Variants in ABL1 observed in about 807,000 individuals in gnomAD.
ABL1 encodes ABL proto-oncogene 1, non-receptor tyrosine kinase, also known as tyrosine-protein kinase ABL1.
In ABL1, 11 loss-of-function variants were observed where a neutral mutation model predicts 94.7. That is an observed-to-expected ratio of 0.12 (90% CI 0.07 to 0.19). ABL1 has a LOEUF of 0.19. Among genes scored for constraint, ABL1 ranks in the 10% least tolerant of loss-of-function variants. ABL1 has a pLI of 1.00. For missense variants in ABL1, 1,082 were observed against 1,489.4 expected (o/e 0.73, Z 4.50); for synonymous variants, 656 against 622.4 (o/e 1.05, Z -0.80).
At chr9:130,749,894 C>T (rs1831933794) in intron 1 of ABL1, among the ~76,000 whole-genome samples, 1 of 152,030 alleles carries the variant, frequency 6.6e-6, no homozygotes, top group Admixed American at 6.6e-5. Context: ...ATTGCCAAGG[C>T]CGGGCACAGT....
At chr9:130,760,563 T>C (rs1034352034) in intron 1 of ABL1, among the ~76,000 whole-genome samples, 2 of 152,216 alleles carry the variant, frequency 1.3e-5, no homozygotes, top group African/African-American at 4.8e-5. Flanking sequence ...ACTTTTCTGC[T>C]TAAATGTTAG....
intron 1 of ABL1, among the ~76,000 whole-genome samples, chr9:130,798,663 G>T (rs1236302366): frequency 6.6e-6 from 1 of 152,038 alleles, no homozygotes; most frequent in Non-Finnish European, 1.5e-5. Flanking sequence ...AGTAACAACG[G>T]ATTCTTTAGG....
At chr9:130,775,621 GAA>G (rs988980347) in intron 1 of ABL1, among the ~76,000 whole-genome samples, 8 of 151,792 alleles carry the variant, frequency 5.3e-5, no homozygotes, top group African/African-American at 1.9e-4. Context: ...TAAGGAGAGA[GAA>G]AAGAAGTCAA....
intron 1 of ABL1, among the ~76,000 whole-genome samples, chr9:130,716,604 C>T (rs1831444478): frequency 6.6e-6 from 1 of 152,090 alleles, no homozygotes; most frequent in Admixed American, 6.6e-5. Flanking sequence ...TTTTCATGGA[C>T]TGCCATTTTT....
intron 1 of ABL1, among the ~76,000 whole-genome samples, chr9:130,785,192 C>T (rs570847805): frequency 2.0e-5 from 3 of 152,272 alleles, no homozygotes; most frequent in South Asian, 2.1e-4. Flanking sequence ...GGGAGGAGGG[C>T]GTCCTTTCCC....
chr9:130,750,656 T>TC (rs1831952776), intron 1 of ABL1, among the ~76,000 whole-genome samples: 1 of 131,584 alleles, frequency 7.6e-6, no homozygotes, highest in Non-Finnish European at 1.6e-5. Context: ...TTTTTTTTTT[T>TC]TTTTTTTTGA....
chr9:130,718,317 C>CAAAAAA (rs35188504), intron 1 of ABL1, among the ~76,000 whole-genome samples: 2 of 73,040 alleles, frequency 2.7e-5, no homozygotes, highest in Non-Finnish European at 6.2e-5. Context: ...GACTCTGTCT[C>CAAAAAA]AAAAAAAAAA....
chr9:130,727,234 G>GTT (rs34579847), intron 1 of ABL1, among the ~76,000 whole-genome samples: 41 of 141,818 alleles, frequency 2.9e-4, no homozygotes, highest in Middle Eastern at 3.7e-3. Context: ...CTTTGCTGAG[G>GTT]TTTTTTTTTT....
At chr9:130,857,181 C>T (rs1007201333) in intron 3 of ABL1, among the ~76,000 whole-genome samples, 2 of 152,192 alleles carry the variant, frequency 1.3e-5, no homozygotes, top group African/African-American at 4.8e-5. Flanking sequence ...ATGCGTTGCA[C>T]GTGCTTCTTT....
intron 1 of ABL1, among the ~76,000 whole-genome samples, chr9:130,754,279 C>T (rs971935857): frequency 2.7e-5 from 4 of 149,668 alleles, no homozygotes; most frequent in South Asian, 2.1e-4. Flanking sequence ...GAGGCCGAGG[C>T]GGGTGGATTA....
chr9:130,829,253 A>G (rs935602124), intron 1 of ABL1, among the ~76,000 whole-genome samples: 2 of 152,148 alleles, frequency 1.3e-5, no homozygotes, highest in African/African-American at 4.8e-5. Context: ...AGCAAAATGA[A>G]GAAGTCAGTC....
intron 1 of ABL1, among the ~76,000 whole-genome samples, chr9:130,753,422 CTTTT>C (rs71389347): frequency 1.1e-5 from 1 of 90,338 alleles, no homozygotes; most frequent in African/African-American, 5.1e-5. Flanking sequence ...TTTTTCTTTT[CTTTT>C]TTTTTTTTTT....
intron 1 of ABL1, among the ~76,000 whole-genome samples, chr9:130,796,255 G>A (rs992834383): frequency 2.1e-4 from 32 of 152,188 alleles, no homozygotes; most frequent in African/African-American, 6.8e-4. Context: ...GGCCACCATA[G>A]CTCATGCCTA....
chr9:130,807,358 C>T (rs142694211), intron 1 of ABL1, among the ~76,000 whole-genome samples: 116 of 152,032 alleles, frequency 7.6e-4, no homozygotes, highest in Non-Finnish European at 1.3e-3. Flanking sequence ...AAGAGATTCT[C>T]ATGCCTCAGC....
At chr9:130,748,848 A>G (rs1401460878) in intron 1 of ABL1, among the ~76,000 whole-genome samples, 1 of 152,174 alleles carries the variant, frequency 6.6e-6, no homozygotes, top group Admixed American at 6.5e-5. Context: ...AAGTCTTGGG[A>G]TTGCAGGCGT....
intron 7 of ABL1, 36 bp downstream of exon 7, chr9:130,875,088 G>A (rs1215202314): frequency 6.3e-7 from 1 of 1,578,242 alleles, no homozygotes; most frequent in Admixed American, 1.9e-5. Context: ...GGTCCTTCCT[G>A]ACTACAGGAG....
At chr9:130,790,867 G>A (rs893723554) in intron 1 of ABL1, among the ~76,000 whole-genome samples, 1 of 152,162 alleles carries the variant, frequency 6.6e-6, no homozygotes, top group African/African-American at 2.4e-5. Context: ...CCAGGATCCT[G>A]GATACCTAGA....
intron 1 of ABL1, among the ~76,000 whole-genome samples, chr9:130,803,449 C>G (rs1367143632): frequency 6.6e-6 from 1 of 152,084 alleles, no homozygotes; most frequent in Admixed American, 6.5e-5. Context: ...TGACATAAAT[C>G]ATAATATCCT....
At chr9:130,745,154 G>A (rs1276382069) in intron 1 of ABL1, among the ~76,000 whole-genome samples, 4 of 148,402 alleles carry the variant, frequency 2.7e-5, no homozygotes, top group Non-Finnish European at 4.5e-5. Flanking sequence ...GTGTGATCTC[G>A]GCTTACTGCA....
Sources: gnomAD v4.1 joint callset for allele counts (sites outside exome capture counted in the v4.1 genomes callset) on GRCh38, gnomAD v4.1.1 for gene constraint, MANE v1.5 for transcripts, NCBI Gene and HGNC (gene_info 2026-07-23, HGNC 2026-07-21) for gene names.